The following CNKSR2 variants were observed in gnomAD, a reference collection of about 807,000 sequenced individuals.
CNKSR2 encodes the protein CNK homolog protein 2.
In CNKSR2, 14 loss-of-function variants were observed where a neutral mutation model predicts 84.4. That is an observed-to-expected ratio of 0.17 (90% CI 0.11 to 0.26). The LOEUF is 0.26. CNKSR2 is among the 10% of genes least tolerant of loss of function. The pLI is 1.00. For synonymous variants in CNKSR2, 275 were observed against 277.9 expected, an observed-to-expected ratio of 0.99 and a Z score of 0.10; for missense variants, 485 against 771.2, an observed-to-expected ratio of 0.63 and a Z score of 4.40.
At chrX:21,538,185 C>A (rs749014501) in intron 11 of CNKSR2, 1 of 111,783 alleles carries the variant, frequency 8.9e-6, no homozygotes, top group Admixed American at 9.5e-5. Context: ...TCCTTCATTG[C>A]TGAATCATGG....
intron 1 of CNKSR2, among the ~76,000 whole-genome samples, chrX:21,391,297 T>C (rs948742651): frequency 1.8e-5 from 2 of 112,673 alleles, no homozygotes; most frequent in Non-Finnish European, 3.8e-5. Context: ...CACATTGCCC[T>C]AGTAGAGGTC....
chrX:21,605,156 G>A (rs766830187), intron 18 of CNKSR2, among the ~76,000 whole-genome samples: 1 of 111,649 alleles, frequency 9.0e-6, no homozygotes, highest in South Asian at 3.8e-4. Flanking sequence ...AGAGCACCAA[G>A]ATGGGAAGTG....
At chrX:21,604,884 C>T (rs1198374529) in intron 18 of CNKSR2, among the ~76,000 whole-genome samples, 1 of 111,499 alleles carries the variant, frequency 9.0e-6, no homozygotes, top group Non-Finnish European at 1.9e-5. Flanking sequence ...GGCCTTGCTA[C>T]AAGAAAAACT....
intron 13 of CNKSR2, among the ~76,000 whole-genome samples, chrX:21,589,429 A>T (rs1192176942): frequency 8.9e-6 from 1 of 112,337 alleles, no homozygotes; most frequent in Non-Finnish European, 1.9e-5. Context: ...GTTGCCCCTT[A>T]TAGATATATC....
chrX:21,499,957 A>G (rs1395083752), intron 7 of CNKSR2, among the ~76,000 whole-genome samples: 1 of 111,073 alleles, frequency 9.0e-6, no homozygotes, highest in East Asian at 2.8e-4. Flanking sequence ...TATTTTTTCC[A>G]TACTTTCCTT....
intron 13 of CNKSR2, among the ~76,000 whole-genome samples, chrX:21,572,409 T>G (rs2092289945): frequency 8.9e-6 from 1 of 112,807 alleles, no homozygotes; most frequent in Non-Finnish European, 1.9e-5. Flanking sequence ...TCATAGAATT[T>G]ATTGAATATT....
chrX:21,628,640 G>A (rs2092634720), intron 20 of CNKSR2, among the ~76,000 whole-genome samples: 1 of 111,815 alleles, frequency 8.9e-6, no homozygotes, highest in Non-Finnish European at 1.9e-5. Flanking sequence ...CATGCACCAA[G>A]CTGTACCTTG....
At chrX:21,618,858 TC>T (rs1276781237) in intron 20 of CNKSR2, among the ~76,000 whole-genome samples, 1 of 112,118 alleles carries the variant, frequency 8.9e-6, no homozygotes, top group East Asian at 2.8e-4. Context: ...GTCTAGCTCT[TC>T]CATAAGTCTA....
intron 10 of CNKSR2, among the ~76,000 whole-genome samples, chrX:21,530,963 A>G (rs1032757879): frequency 1.8e-5 from 2 of 110,070 alleles, no homozygotes; most frequent in African/African-American, 6.6e-5. Context: ...ACTTGCCATC[A>G]CCCTAAATGC....
At chrX:21,517,103 A>G (rs1453635049) in intron 9 of CNKSR2, among the ~76,000 whole-genome samples, 1 of 111,234 alleles carries the variant, frequency 9.0e-6, no homozygotes, top group Non-Finnish European at 1.9e-5. Flanking sequence ...ACCTAGTCCA[A>G]ACTAGGCGCA....
intron 1 of CNKSR2, among the ~76,000 whole-genome samples, chrX:21,389,014 C>A (rs186306163): frequency 3.7e-5 from 4 of 108,222 alleles, no homozygotes; most frequent in Non-Finnish European, 7.7e-5. Flanking sequence ...GAGAATGGTT[C>A]TTTATCTCTG....
At chrX:21,516,803 G>T (rs945477656) in intron 9 of CNKSR2, among the ~76,000 whole-genome samples, 172 bp downstream of exon 9, 2 of 110,893 alleles carry the variant, frequency 1.8e-5, no homozygotes, top group African/African-American at 6.6e-5. Flanking sequence ...TAATTGTGAT[G>T]AAATCCTTGA....
At chrX:21,478,641 A>AAG (rs2091284179) in intron 5 of CNKSR2, among the ~76,000 whole-genome samples, 3 of 111,683 alleles carry the variant, frequency 2.7e-5, no homozygotes, top group Non-Finnish European at 3.8e-5. Flanking sequence ...CAAGTGAGGT[A>AAG]GAATAATACA....
chrX:21,481,490 C>A (rs1284837351), intron 5 of CNKSR2, among the ~76,000 whole-genome samples: 1 of 111,663 alleles, frequency 9.0e-6, no homozygotes, highest in African/African-American at 3.3e-5. Flanking sequence ...GGACCCCTGT[C>A]CCCTGGTATA....
chrX:21,606,494 C>T, intron 18 of CNKSR2: 1 of 221,908 alleles, frequency 4.5e-6, no homozygotes, highest in Non-Finnish European at 8.0e-6. Context: ...GTACCCTAAA[C>T]CTGACTGAGC....
intron 5 of CNKSR2, among the ~76,000 whole-genome samples, chrX:21,485,380 A>G (rs990014675): frequency 1.8e-5 from 2 of 110,932 alleles, no homozygotes; most frequent in African/African-American, 6.6e-5. Flanking sequence ...TGTGCTAAAT[A>G]TGCTCTGCTC....
intron 1 of CNKSR2, among the ~76,000 whole-genome samples, chrX:21,420,626 T>C (rs757819267): frequency 2.7e-5 from 3 of 110,636 alleles, no homozygotes; most frequent in Non-Finnish European, 5.7e-5. Flanking sequence ...TGGTGATGAA[T>C]GGTGCCAGGA....
intron 4 of CNKSR2, among the ~76,000 whole-genome samples, chrX:21,465,371 T>C (rs1321897197): frequency 2.7e-5 from 3 of 109,182 alleles, no homozygotes; most frequent in African/African-American, 1.0e-4. Context: ...AATAAATGAA[T>C]GCAAGGAAGA....
chrX:21,442,212 C>G (rs1477093069), intron 4 of CNKSR2, among the ~76,000 whole-genome samples: 1 of 109,620 alleles, frequency 9.1e-6, no homozygotes, highest in African/African-American at 3.3e-5. Context: ...GCCCCCCTCC[C>G]CAACACTTTC....
Sources: gnomAD v4.1 joint callset for allele counts (sites outside exome capture counted in the v4.1 genomes callset) on GRCh38, gnomAD v4.1.1 for gene constraint, MANE v1.5 for transcripts, NCBI Gene and HGNC (gene_info 2026-07-23, HGNC 2026-07-21) for gene names.